Variants in DNAH14 observed in about 807,000 individuals in gnomAD.
DNAH14 encodes the protein dynein axonemal heavy chain 14.
A neutral mutation model predicts 520.9 loss-of-function variants in DNAH14; 478 were observed. The observed-to-expected ratio is 0.92, with a 90% CI of 0.85 to 0.99. The LOEUF (loss-of-function observed/expected upper bound fraction) is 0.99. Among genes scored for constraint, DNAH14 ranks in the 50% least tolerant of loss-of-function variants. DNAH14 has a pLI of 0.00. For missense variants in DNAH14, 4,831 were observed against 5,234.5 expected (o/e 0.92, Z 2.38); for synonymous variants, 1,581 against 1,757.2 (o/e 0.90, Z 2.51).
chr1:225,277,563 A>C, intron 54 of DNAH14, 61 bp downstream of exon 54: 3 of 461,802 alleles, frequency 6.5e-6, no homozygotes, highest in Non-Finnish European at 1.3e-5. Context: ...TCCCAATAAA[A>C]TCTACTGTAC....
At chr1:225,280,987 G>T (rs2093616350) in intron 54 of DNAH14, among the ~76,000 whole-genome samples, 1 of 152,318 alleles carries the variant, frequency 6.6e-6, no homozygotes. Context: ...GAGGGTGAAA[G>T]ACACTGATGG....
intron 75 of DNAH14, among the ~76,000 whole-genome samples, chr1:225,362,296 C>T (rs73136957): frequency 0.052 from 7,941 of 151,982 alleles, 664 homozygotes; most frequent in African/African-American, 0.18. Context: ...ACTTCCGGGC[C>T]GGGCGCGGTG....
At chr1:225,007,331 AC>A in intron 9 of DNAH14, 81 bp from the exon 10 acceptor site, 3 of 1,187,256 alleles carry the variant, frequency 2.5e-6, no homozygotes, top group Non-Finnish European at 3.3e-6. Context: ...CTTCTTTATG[AC>A]CTGAAAAGAC....
chr1:224,994,647 G>T (rs577763304), intron 8 of DNAH14, among the ~76,000 whole-genome samples: 23 of 152,110 alleles, frequency 1.5e-4, no homozygotes, highest in African/African-American at 5.5e-4. Context: ...TTTTATTGAA[G>T]AATTTAATCC....
chr1:225,075,121 C>A (rs1047526473), intron 17 of DNAH14, among the ~76,000 whole-genome samples: 1 of 152,174 alleles, frequency 6.6e-6, no homozygotes, highest in African/African-American at 2.4e-5. Flanking sequence ...AGACTGAAGG[C>A]CCTGGTGAAG....
chr1:225,318,968 T>A (rs1302926080), intron 61 of DNAH14, among the ~76,000 whole-genome samples: 1 of 152,234 alleles, frequency 6.6e-6, no homozygotes, highest in Non-Finnish European at 1.5e-5. Context: ...TGTTATAAAC[T>A]GAATCTCAGT....
chr1:225,381,466 C>T lies in DNAH14; in HGVS notation c.12964C>T (p.His4322Tyr). The T allele has an allele frequency of 6.4e-7, 1 of 1,550,420 alleles. No homozygotes were observed. The highest frequency in any genetic ancestry group is 8.7e-7 in the Non-Finnish European group (1 of 1,146,580). ...KRFDKLLFVIHKSLKDLQLAI... is the reference protein window; with the variant it reads ...KRFDKLLFVIYKSLKDLQLAI... Reference sequence around the variant, plus strand: ...ATTTGATAAGTTATTATTTGTCATACATAAATCCTTAAAAGATCTTCAGCT... The same window carrying T: ...ATTTGATAAGTTATTATTTGTCATATATAAATCCTTAAAAGATCTTCAGCT... Residue 4322 changes from histidine (H) to tyrosine (Y), a missense_variant, in exon 81 of 86, where the codon CAT (histidine) becomes TAT (tyrosine). Physicochemically the swap from His to Tyr is moderately conservative, Grantham distance 83. Transcript: ENST00000682510.
rs2073013799 is a variant in DNAH14, at chr1:225,080,653, G to A, written c.3041G>A (p.Trp1014Ter). The change falls in exon 19 of 86, where the codon TGG (tryptophan) becomes TAG (stop). Residue 1014 changes from tryptophan to a stop codon, truncating the protein, a stop_gained. Transcript: ENST00000682510. LOFTEE classifies it high-confidence loss of function. Reference protein sequence around the residue: ...EAQEEWKRASWEWRNSSLQSI... With the variant: ...EAQEEWKRAS ...CAAGAGGAGTGGAAGCGAGCCTCTT[G>A]GGAATGGAGGAATAGTTCTCTTCAA... is the stretch of plus-strand genomic sequence containing the variant. 1 of 1,551,876 alleles carries A rather than the reference G, an allele frequency of 6.4e-7. No homozygotes were observed. The highest frequency in any genetic ancestry group is 8.7e-7 in the Non-Finnish European group (1 of 1,147,022).
intron 17 of DNAH14, among the ~76,000 whole-genome samples, chr1:225,052,052 T>C (rs2068589711): frequency 6.6e-6 from 1 of 152,232 alleles, no homozygotes; most frequent in African/African-American, 2.4e-5. Context: ...ACTTCCCTGC[T>C]TCTTTCCCTG....
At position 225,082,599 on chromosome 1, in the gene DNAH14, T is replaced by G; in HGVS notation, c.3187T>G (p.Phe1063Val). Residue 1063 changes from phenylalanine to valine, a missense_variant, in exon 20 of 86, where the codon TTT becomes GTT. Coordinates refer to ENST00000682510, the MANE Select transcript of DNAH14 (RefSeq NM_001367479.1). ...VTHLKQVVTE[F>V]KQELPIIIAL... ...ACATCTTAAGCAAGTGGTAACAGAG[T>G]TTAAACAAGAGCTGCCTATCATTAT... 6.4e-7 allele frequency: 1 copy of G among 1,551,466 alleles called. No homozygotes were observed. Among genetic ancestry groups the G allele is most frequent in the Non-Finnish European group, 8.7e-7 (1 of 1,146,912 alleles).
At chr1:225,361,803 TG>T (rs1198931292) in intron 75 of DNAH14, among the ~76,000 whole-genome samples, 1 of 152,174 alleles carries the variant, frequency 6.6e-6, no homozygotes, top group African/African-American at 2.4e-5. Flanking sequence ...GATAACTGTT[TG>T]GGGCCAGGAG....
chr1:225,026,717 T>C (rs572530424), intron 11 of DNAH14, among the ~76,000 whole-genome samples: 17 of 152,186 alleles, frequency 1.1e-4, no homozygotes, highest in Non-Finnish European at 2.4e-4. Flanking sequence ...TGCTCTTCTT[T>C]TTCAACATTG....
At chr1:225,100,990 A>C in intron 23 of DNAH14, 106 bp downstream of exon 23, 1 of 954,818 alleles carries the variant, frequency 1.0e-6, no homozygotes, top group Non-Finnish European at 1.5e-6. Context: ...GATTTTCTTT[A>C]TTCTAGCTGC....
intron 36 of DNAH14, among the ~76,000 whole-genome samples, chr1:225,183,329 C>G (rs2084269682): frequency 2.0e-5 from 3 of 152,250 alleles, no homozygotes; most frequent in Admixed American, 6.5e-5. Flanking sequence ...GTAGTGGTGG[C>G]TGCAGGCCTT....
chr1:225,081,724 A>G (rs1164692652), intron 19 of DNAH14, among the ~76,000 whole-genome samples: 1 of 152,158 alleles, frequency 6.6e-6, no homozygotes, highest in Non-Finnish European at 1.5e-5. Flanking sequence ...AGTTCTCTTG[A>G]GTCCCTAACT....
chr1:225,186,604 T>G (rs910071074), intron 37 of DNAH14, among the ~76,000 whole-genome samples: 12 of 151,836 alleles, frequency 7.9e-5, no homozygotes, highest in African/African-American at 2.9e-4. Flanking sequence ...CAGTAAAATG[T>G]GAAAACGTAT....
chr1:225,057,395 CTAA>C (rs2069269740), intron 17 of DNAH14, among the ~76,000 whole-genome samples: 1 of 152,154 alleles, frequency 6.6e-6, no homozygotes, highest in African/African-American at 2.4e-5. Context: ...TGGGACTTTG[CTAA>C]AGTTGCCTAT....
At chr1:225,284,138 A>C (rs1258966398) in intron 54 of DNAH14, among the ~76,000 whole-genome samples, 1 of 152,126 alleles carries the variant, frequency 6.6e-6, no homozygotes, top group Non-Finnish European at 1.5e-5. Flanking sequence ...ATGCAGATGG[A>C]AGAAAATAAT....
chr1:224,990,410 C>T (rs1265497029), intron 8 of DNAH14, among the ~76,000 whole-genome samples: 1 of 152,130 alleles, frequency 6.6e-6, no homozygotes, highest in East Asian at 1.9e-4. Context: ...GATGTCAAAA[C>T]AACAACTTAT....
Sources: allele counts gnomAD v4.1 joint callset (sites outside exome capture counted in the v4.1 genomes callset), GRCh38; gene constraint gnomAD v4.1.1; transcripts MANE v1.5; gene names NCBI Gene and HGNC (gene_info 2026-07-23, HGNC 2026-07-21).